Variants in TIPIN observed in about 807,000 individuals in gnomAD.
TIPIN encodes the protein TIMELESS interacting protein.
TIPIN carries 29 observed loss-of-function variants against 35.6 expected under a neutral mutation model. The ratio of observed to expected loss-of-function variants is 0.82; its 90% CI spans 0.61 to 1.11. TIPIN has a LOEUF of 1.11. Among genes scored for constraint, TIPIN ranks in the 50% most tolerant of loss-of-function variants. The pLI, the probability that TIPIN is intolerant of heterozygous loss-of-function variation, is 0.00. For missense variants in TIPIN, 296 were observed against 345.4 expected, an observed-to-expected ratio of 0.86 and a Z score of 1.13; for synonymous variants, 102 against 121.5, an observed-to-expected ratio of 0.84 and a Z score of 1.06.
intron 1 of TIPIN, chr15:66,382,343 A>C: frequency 2.0e-6 from 2 of 985,180 alleles, no homozygotes; most frequent in Non-Finnish European, 2.4e-6. Context: ...TTTGAACCTA[A>C]GATATAGAGG....
chr15:66,377,320 C>A (rs2093300865), intron 1 of TIPIN, among the ~76,000 whole-genome samples: 1 of 152,034 alleles, frequency 6.6e-6, no homozygotes, highest in South Asian at 2.1e-4. Flanking sequence ...CCTTATGTTT[C>A]TATTGGATGA....
intron 1 of TIPIN, among the ~76,000 whole-genome samples, chr15:66,377,681 T>A (rs1335700353): frequency 1.3e-5 from 2 of 151,704 alleles, no homozygotes; most frequent in Non-Finnish European, 2.9e-5. Flanking sequence ...GTTTGTTTTG[T>A]TTTTTAACTT....
intron 7 of TIPIN, among the ~76,000 whole-genome samples, chr15:66,338,738 C>T (rs1028670047): frequency 1.4e-5 from 2 of 139,636 alleles, no homozygotes; most frequent in African/African-American, 2.8e-5. Flanking sequence ...GGCATGGACA[C>T]GGGAGGCGGG....
chr15:66,339,155 AAAGC>A (rs2093067731), intron 7 of TIPIN, among the ~76,000 whole-genome samples: 13 of 52,176 alleles, frequency 2.5e-4, no homozygotes, highest in African/African-American at 4.2e-4. Context: ...AAAAAAAAAA[AAAGC>A]AAAAAGAAAA....
rs543925918 is a variant in TIPIN, at chr15:66,348,008, C to CTTTTTTT, written c.475+1045_475+1051dup. Among the ~76,000 whole-genome samples, 16 of 135,488 alleles carry CTTTTTTT rather than the reference C, an allele frequency of 1.2e-4. 3 individuals are homozygous for CTTTTTTT. Among genetic ancestry groups the CTTTTTTT allele is most frequent in the Non-Finnish European group, 1.2e-4 (8 of 65,110 alleles). The allele number at this position is 135,488 out of a possible 152,430, so 88.9% of individuals were successfully genotyped here. The stretch of plus-strand genomic sequence containing the variant: ...CTCTAACTACTTCTATTCTTTCTTT[C>CTTTTTTT]TTTTTTTTTTTTTTTTCCAGACAAG... On this transcript the variant is annotated intron_variant, in intron 6 of 7. Transcript: ENST00000261881.
intron 4 of TIPIN, among the ~76,000 whole-genome samples, chr15:66,349,885 AAGAG>A (rs1428487567): frequency 2.6e-5 from 4 of 152,130 alleles, no homozygotes; most frequent in African/African-American, 9.7e-5. Flanking sequence ...ATCCAAAAAA[AAGAG>A]AGAAAATTAT....
intron 1 of TIPIN, among the ~76,000 whole-genome samples, chr15:66,373,355 T>C (rs1244206236): frequency 1.3e-5 from 2 of 151,854 alleles, no homozygotes; most frequent in Admixed American, 6.6e-5. Flanking sequence ...TAGCCAGGTG[T>C]GGTGGCGGGC....
At chr15:66,379,050 T>C (rs2093308291) in intron 1 of TIPIN, among the ~76,000 whole-genome samples, 2 of 152,100 alleles carry the variant, frequency 1.3e-5, no homozygotes, top group Non-Finnish European at 2.9e-5. Flanking sequence ...TGAGCCGCCG[T>C]GCACAAAGTT....
chr15:66,365,735 C>G (rs968427083), intron 1 of TIPIN, among the ~76,000 whole-genome samples: 3 of 152,056 alleles, frequency 2.0e-5, no homozygotes, highest in Non-Finnish European at 2.9e-5. Context: ...TTAGTAAAGA[C>G]GGGGTTTCAC....
intron 6 of TIPIN, among the ~76,000 whole-genome samples, chr15:66,346,331 TGGCTCCC>T (rs1321792309): frequency 6.6e-6 from 1 of 151,528 alleles, no homozygotes; most frequent in Non-Finnish European, 1.5e-5. Flanking sequence ...TCTGCATAGA[TGGCTCCC>T]CCATTCAAAA....
chr15:66,351,648 T>TC (rs1187870168), intron 3 of TIPIN, 48 bp from the exon 4 acceptor site: 3 of 1,523,584 alleles, frequency 2.0e-6, no homozygotes, highest in Non-Finnish European at 1.8e-6. Flanking sequence ...TTTCTTTTTT[T>TC]TTTTTTTGAG....
At chr15:66,345,196 C>A (rs1208778578) in intron 6 of TIPIN, among the ~76,000 whole-genome samples, 1 of 151,970 alleles carries the variant, frequency 6.6e-6, no homozygotes, top group African/African-American at 2.4e-5. Context: ...GACAGTCATG[C>A]GGACTTGAGG....
In TIPIN at chr15:66,352,325, G is replaced by T. The variant is rs2093173731; in HGVS notation, c.134-118C>A. On this transcript the variant is annotated intron_variant, in intron 2 of 7. Coordinates refer to ENST00000261881, the MANE Select transcript of TIPIN (RefSeq NM_017858.3). The stretch of plus-strand genomic sequence containing the variant: ...ATGGGACACCTTTTTTTGAAACAGG[G>T]TCTCACTCTGTTGCCCATGCTGGAG... The T allele has an allele frequency of 5.3e-6, 4 of 747,948 alleles. No homozygotes were observed. In the African/African-American group the frequency reaches 5.5e-5, roughly 10 times the overall value. 46.3% of individuals were successfully genotyped at this position (747,948 alleles called of 1,614,324 possible). A position where few individuals can be genotyped will look rare whatever the true frequency, so the allele number is the denominator to read the frequency against.
chr15:66,370,123 T>A (rs1191781286), intron 1 of TIPIN, among the ~76,000 whole-genome samples: 2 of 152,130 alleles, frequency 1.3e-5, no homozygotes, highest in Non-Finnish European at 2.9e-5. Context: ...ACGACTTCCT[T>A]CTCCACAGCT....
At chr15:66,340,171 C>CTTTTTTT (rs1213707475) in intron 7 of TIPIN, among the ~76,000 whole-genome samples, 9 of 69,568 alleles carry the variant, frequency 1.3e-4, no homozygotes, top group East Asian at 4.4e-4. Flanking sequence ...TGCGCCTGGC[C>CTTTTTTT]TTTTTTTTTT....
chr15:66,359,945 T>C (rs542875572), upstream of TIPIN, among the ~76,000 whole-genome samples: 4 of 152,244 alleles, frequency 2.6e-5, no homozygotes, highest in East Asian at 7.7e-4. Context: ...TTATTTTTGA[T>C]CACCTGAGTT....
At chr15:66,360,713 T>C (rs1312402138), upstream of TIPIN, among the ~76,000 whole-genome samples, 1 of 152,180 alleles carries the variant, frequency 6.6e-6, no homozygotes, top group Non-Finnish European at 1.5e-5. Context: ...AGGCCTGTAA[T>C]CCCAGCACTT....
intron 1 of TIPIN, chr15:66,379,251 G>T: frequency 6.8e-7 from 1 of 1,467,720 alleles, no homozygotes. Context: ...AAATCAACAG[G>T]TCTTTTATTA....
intron 1 of TIPIN, among the ~76,000 whole-genome samples, chr15:66,385,597 C>G (rs558020508): frequency 1.3e-5 from 2 of 151,924 alleles, no homozygotes; most frequent in East Asian, 3.9e-4. Context: ...TCAAGCAATT[C>G]TCTGCCTCAG....
Sources: gnomAD v4.1 joint callset for allele counts (sites outside exome capture counted in the v4.1 genomes callset) on GRCh38, gnomAD v4.1.1 for gene constraint, MANE v1.5 for transcripts, NCBI Gene and HGNC (gene_info 2026-07-23, HGNC 2026-07-21) for gene names.